MRPS6: variants seen among roughly 807,000 people sequenced by gnomAD.
The protein encoded by MRPS6 is small ribosomal subunit protein bS6m.
MRPS6 carries 6 observed loss-of-function variants against 13.1 expected under a neutral mutation model. The ratio of observed to expected loss-of-function variants is 0.46; its 90% CI spans 0.25 to 0.91. The LOEUF is 0.91. Ranked by LOEUF, MRPS6 falls within the 40% of genes least tolerant of loss-of-function variation. The pLI is 0.18. For synonymous variants in MRPS6, 61 were observed against 56.5 expected (o/e 1.08, Z -0.36); for missense variants, 164 against 155.6 (o/e 1.05, Z -0.29).
rs973632098 is a variant in MRPS6 at position 34,142,607 on chromosome 21, T to G, written c.*7T>G. 5.0e-5 allele frequency: 79 copies of G among 1,592,326 alleles called. No individual in the cohort carries two copies. Among genetic ancestry groups the G allele is most frequent in the Non-Finnish European group, 6.6e-5 (77 of 1,171,774 alleles). On this transcript the variant is annotated 3_prime_UTR_variant, in exon 3 of 3. Transcript: ENST00000399312. The stretch of plus-strand genomic sequence containing the variant: ...AAAGAAGAGGAAGAAGTGAGAAGAT[T>G]CGCCAGATTTTAGCCTTATATGTAA...
intron 1 of MRPS6, chr21:34,103,981 T>TA (rs1294404912): frequency 4.0e-6 from 4 of 1,000,018 alleles, no homozygotes; most frequent in South Asian, 4.7e-5. Context: ...GGGTTTTTTG[T>TA]AAAAAATCTT....
At chr21:34,098,224 T>G in intron 1 of MRPS6, 1 of 999,092 alleles carries the variant, frequency 1.0e-6, no homozygotes, top group Non-Finnish European at 1.2e-6. Context: ...AATCAGATGA[T>G]TACTCATATA....
intron 1 of MRPS6, chr21:34,095,976 C>T: frequency 6.2e-7 from 1 of 1,614,120 alleles, no homozygotes; most frequent in Non-Finnish European, 8.5e-7. Context: ...TGAAGATGTT[C>T]CTTGGCCTGG....
In MRPS6 at chr21:34,100,126, T is replaced by C. The variant is rs771956399; in HGVS notation, c.46-25215T>C. 1.5e-5 allele frequency: 15 copies of C among 999,276 alleles called. No individual in the cohort carries two copies. In the East Asian group the frequency reaches 4.5e-4, roughly 30 times the overall value. The allele number at this position is 999,276 out of a possible 1,614,324, so 61.9% of individuals were successfully genotyped here. A position where few individuals can be genotyped will look rare whatever the true frequency, so the allele number is the denominator to read the frequency against. On this transcript the variant is annotated intron_variant, in intron 1 of 2. Transcript: ENST00000399312. ...TAAGGTTCAGAATTGAAGCTTGATATTGACTAGAATAGCTAAAAGTCAAAA... is the reference window on the plus strand; with the variant it reads ...TAAGGTTCAGAATTGAAGCTTGATACTGACTAGAATAGCTAAAAGTCAAAA...
At position 34,073,694 on chromosome 21, in the gene MRPS6, TC is replaced by T; in HGVS notation, c.-5del. On this transcript the variant is annotated 5_prime_UTR_variant, in exon 1 of 3. Coordinates refer to ENST00000399312, the MANE Select transcript of MRPS6 (RefSeq NM_032476.4). ...GCTTCCGAGCCGCACTCGCCGATCC[TC>T]CAGGCATGCCCCGCTACGAGCTGGC... is the stretch of plus-strand genomic sequence containing the variant. 1 of 1,520,094 alleles carries T rather than the reference TC, an allele frequency of 6.6e-7. No homozygotes were observed. The highest frequency in any genetic ancestry group is 8.9e-7 in the Non-Finnish European group (1 of 1,126,214). The allele number at this position is 1,520,094 out of a possible 1,614,324, so 94.2% of individuals were successfully genotyped here.
chr21:34,101,553 T>G, intron 1 of MRPS6: 1 of 999,902 alleles, frequency 1.0e-6, no homozygotes, highest in Non-Finnish European at 1.2e-6. Context: ...TCAGAGAGAC[T>G]GGTCTTTCTC....
At chr21:34,098,488 C>T (rs1979075838) in intron 1 of MRPS6, 1 of 999,966 alleles carries the variant, frequency 1.0e-6, no homozygotes, top group African/African-American at 1.7e-5. Flanking sequence ...AAAAGACTTT[C>T]CATCTGTACA....
chr21:34,104,611 T>G, intron 1 of MRPS6: 5 of 1,000,216 alleles, frequency 5.0e-6, no homozygotes, highest in Non-Finnish European at 6.0e-6. Context: ...CTGAACACTT[T>G]GAGGGAGAGA....
chr21:34,136,954 G>A (rs144887819), intron 2 of MRPS6, among the ~76,000 whole-genome samples: 40 of 152,208 alleles, frequency 2.6e-4, no homozygotes, highest in African/African-American at 7.0e-4. Context: ...GTTTTTTTGC[G>A]TGTGGATACT....
chr21:34,130,657 G>A (rs1187204053), intron 2 of MRPS6, among the ~76,000 whole-genome samples: 9 of 152,174 alleles, frequency 5.9e-5, no homozygotes, highest in Non-Finnish European at 1.0e-4. Flanking sequence ...GGAAGATCAC[G>A]TGGGCAAGTT....
In MRPS6 at chr21:34,142,553, G is replaced by T. The variant is rs377516071; in HGVS notation, c.331G>T (p.Val111Phe). 4 of 1,607,668 alleles carry T rather than the reference G, an allele frequency of 2.5e-6. No individual in the cohort carries two copies. In the South Asian group the frequency reaches 4.5e-5, roughly 18 times the overall value. Residue 111 changes from valine to phenylalanine, a missense_variant, in exon 3 of 3, where the codon GTC (valine) becomes TTC (phenylalanine). Coordinates refer to ENST00000399312, the MANE Select transcript of MRPS6 (RefSeq NM_032476.4). ...ELKECEGIVP[V>F]PLAEKLYSTK... ...AAAAGAATGTGAAGGGATTGTCCCAGTCCCACTCGCAGAAAAATTATATTC... is the reference window on the plus strand; with the variant it reads ...AAAAGAATGTGAAGGGATTGTCCCATTCCCACTCGCAGAAAAATTATATTC...
Position 34,096,965 on chromosome 21 carries a change from G to A in MRPS6, c.45+23220G>A, listed in dbSNP as rs1978992421. The A allele has an allele frequency of 6.2e-7, 1 of 1,614,116 alleles. No individual in the cohort carries two copies. Among genetic ancestry groups the A allele is most frequent in the Non-Finnish European group, 8.5e-7 (1 of 1,179,994 alleles). On this transcript the variant is annotated intron_variant, in intron 1 of 2. Coordinates refer to ENST00000399312, the MANE Select transcript of MRPS6 (RefSeq NM_032476.4). The surrounding 1 kb of genome is among the most constrained non-coding windows in gnomAD (Gnocchi z 5.9). ...CCATCAACCACATCATTCCCAACGGGAAATCTGAAGACAGCATTAAGGGCC... is the reference window on the plus strand; with the variant it reads ...CCATCAACCACATCATTCCCAACGGAAAATCTGAAGACAGCATTAAGGGCC...
intron 1 of MRPS6, among the ~76,000 whole-genome samples, chr21:34,116,214 G>GTGTGTGTGTA (rs1448441396): frequency 2.1e-4 from 31 of 145,364 alleles, no homozygotes; most frequent in African/African-American, 8.0e-4. Context: ...GTGTGTGTGT[G>GTGTGTGTGTA]TGTATGTGTG....
chr21:34,106,631 T>A (rs1483086228), intron 1 of MRPS6, among the ~76,000 whole-genome samples: 2 of 152,264 alleles, frequency 1.3e-5, no homozygotes, highest in African/African-American at 2.4e-5. Context: ...GCCATTCTTC[T>A]GAAGCATAAA....
intron 2 of MRPS6, among the ~76,000 whole-genome samples, chr21:34,138,320 A>G (rs1352034898): frequency 6.6e-6 from 1 of 151,696 alleles, no homozygotes; most frequent in Non-Finnish European, 1.5e-5. Context: ...TTTAGATGTG[A>G]AGTCCTTGCC....
chr21:34,084,305 T>C (rs2148654621), intron 1 of MRPS6, among the ~76,000 whole-genome samples: 1 of 152,322 alleles, frequency 6.6e-6, no homozygotes, highest in South Asian at 2.1e-4. Flanking sequence ...TTTTCTGCCT[T>C]AGTCACATGG....
chr21:34,078,352 A>G (rs1419216491), intron 1 of MRPS6, among the ~76,000 whole-genome samples: 1 of 152,168 alleles, frequency 6.6e-6, no homozygotes, highest in African/African-American at 2.4e-5. Context: ...TGAAGAAGGA[A>G]GGAGTCCTGT....
chr21:34,093,650 AG>A (rs2148658608), intron 1 of MRPS6, among the ~76,000 whole-genome samples: 1 of 152,302 alleles, frequency 6.6e-6, no homozygotes, highest in African/African-American at 2.4e-5. Flanking sequence ...GAAATCATTT[AG>A]AAGTTAATGT....
chr21:34,118,068 T>G (rs953374873), intron 1 of MRPS6, among the ~76,000 whole-genome samples: 1 of 152,148 alleles, frequency 6.6e-6, no homozygotes, highest in African/African-American at 2.4e-5. Flanking sequence ...TTTTAAAATT[T>G]GGGGTATTTT....
Sources: allele counts gnomAD v4.1 joint callset (sites outside exome capture counted in the v4.1 genomes callset), GRCh38; gene constraint gnomAD v4.1.1; non-coding constraint Gnocchi (gnomAD v3.1); transcripts MANE v1.5; gene names NCBI Gene and HGNC (gene_info 2026-07-23, HGNC 2026-07-21).